Variants in TMEM214 observed in about 807,000 individuals in gnomAD.
TMEM214 encodes transmembrane protein 214.
A neutral mutation model predicts 89.8 loss-of-function variants in TMEM214; 71 were observed. The observed-to-expected ratio is 0.79, with a 90% CI of 0.65 to 0.96. TMEM214 has a LOEUF of 0.96. Among genes scored for constraint, TMEM214 ranks in the 40% least tolerant of loss-of-function variants. The probability of loss-of-function intolerance (pLI) is 0.00; values close to 1 mark genes in which losing one functional copy is unlikely to be tolerated. For missense variants in TMEM214, 754 were observed against 843.4 expected (o/e 0.89, Z 1.31); for synonymous variants, 332 against 349.5 (o/e 0.95, Z 0.56).
At chr2:27,035,841 T>C in intron 4 of TMEM214, 113 bp downstream of exon 4, 1 of 1,585,828 alleles carries the variant, frequency 6.3e-7, no homozygotes, top group Non-Finnish European at 8.6e-7. Flanking sequence ...ACCTTAACAC[T>C]TTTTGGAAAG....
In TMEM214 at chr2:27,039,727, C is replaced by A; in HGVS notation, c.1526-14C>A. On this transcript the variant is annotated splice_polypyrimidine_tract_variant and intron_variant, in intron 13 of 16. Transcript: ENST00000238788. ...CTCTCACCTCCCAGCTCACCAGAGG[C>A]CCCCTTTACTTAGCCTCCCTTACTG... The A allele has an allele frequency of 6.2e-7, 1 of 1,612,292 alleles. No individual in the cohort carries two copies.
intron 3 of TMEM214, 71 bp from the exon 4 acceptor site, chr2:27,035,523 G>T (rs1667517194): frequency 6.3e-7 from 1 of 1,591,318 alleles, no homozygotes; most frequent in African/African-American, 1.3e-5. Flanking sequence ...CATTCCCAGG[G>T]AGAGCACCAC....
chr2:27,035,053 C>T, intron 2 of TMEM214, 82 bp from the exon 3 acceptor site: 1 of 1,546,392 alleles, frequency 6.5e-7, no homozygotes, highest in Non-Finnish European at 8.8e-7. Flanking sequence ...CTAGTTCAAC[C>T]ATTTTCCCAC....
chr2:27,040,600 G>C (rs41288795), intron 16 of TMEM214, 104 bp downstream of exon 16: 11 of 1,581,954 alleles, frequency 7.0e-6, no homozygotes, highest in Non-Finnish European at 9.4e-6. Flanking sequence ...CCTGCCCCTC[G>C]CTCCCATTCC....
Position 27,035,293 on chromosome 2 carries a change from C to T in TMEM214, c.502+8C>T. Reference sequence around the variant, plus strand: ...TGAGCCAGCATACTCATGGTAAGTCCTTCCAGCTTCCTCAAGCTCAGACAA... The same window carrying T: ...TGAGCCAGCATACTCATGGTAAGTCTTTCCAGCTTCCTCAAGCTCAGACAA... On this transcript the variant is annotated splice_region_variant and intron_variant, in intron 3 of 16. Coordinates refer to ENST00000238788, the MANE Select transcript of TMEM214 (RefSeq NM_017727.5). 1.2e-6 allele frequency: 2 copies of T among 1,614,190 alleles called. No individual in the cohort carries two copies. The highest frequency in any genetic ancestry group is 1.3e-5 in the African/African-American group (1 of 75,052).
At chr2:27,035,838 C>G in intron 4 of TMEM214, 110 bp downstream of exon 4, 2 of 1,587,238 alleles carry the variant, frequency 1.3e-6, no homozygotes, top group Non-Finnish European at 1.7e-6. Context: ...CTAACCTTAA[C>G]ACTTTTTGGA....
rs1433816299 is a variant in TMEM214, at chr2:27,038,579, A to G, written c.1293+47A>G. ...GCAGGTTGAGCCCTGTCTGGATTCT[A>G]GGTTCTGAGTGGGGGCTCCTCAGCC... On this transcript the variant is annotated intron_variant, in intron 11 of 16. Transcript: ENST00000238788. This position sits in a 1 kb window ranked among gnomAD's most constrained non-coding sequence, Gnocchi z 4.4. 1 of 1,612,828 alleles carries G rather than the reference A, an allele frequency of 6.2e-7. No individual in the cohort carries two copies. Among genetic ancestry groups the G allele is most frequent in the Non-Finnish European group, 8.5e-7 (1 of 1,179,196 alleles).
In TMEM214 at chr2:27,040,508, G is replaced by A. The variant is rs766977902; in HGVS notation, c.1943+12G>A. The A allele has an allele frequency of 1.9e-6, 3 of 1,612,012 alleles. No individual in the cohort carries two copies. The highest frequency in any genetic ancestry group is 2.2e-5 in the South Asian group (2 of 91,066). The stretch of plus-strand genomic sequence containing the variant: ...CATGAGGCATGCAGGTGAGACCTTT[G>A]CCCAGGGCTCCGGCAGGATCCCCAG... On this transcript the variant is annotated intron_variant, in intron 16 of 16. Coordinates refer to ENST00000238788, the MANE Select transcript of TMEM214 (RefSeq NM_017727.5).
intron 9 of TMEM214, 184 bp from the exon 10 acceptor site, chr2:27,037,962 C>T: frequency 6.5e-7 from 1 of 1,547,870 alleles, no homozygotes; most frequent in Non-Finnish European, 8.7e-7. Flanking sequence ...AGCTCAGGAG[C>T]CCCAGCCTCC....
intron 7 of TMEM214, 145 bp downstream of exon 7, chr2:27,036,931 G>C: frequency 9.2e-7 from 1 of 1,084,466 alleles, no homozygotes; most frequent in Non-Finnish European, 1.4e-6. Flanking sequence ...GTGATGGTGA[G>C]GAAGGAAGAA....
At chr2:27,033,558 T>A (rs951478555) in intron 1 of TMEM214, among the ~76,000 whole-genome samples, 8 of 152,040 alleles carry the variant, frequency 5.3e-5, no homozygotes, top group Non-Finnish European at 1.0e-4. Flanking sequence ...AACCAGCAGG[T>A]CATGGAGGAA....
chr2:27,034,905 G>A (rs1667483559), intron 2 of TMEM214, among the ~76,000 whole-genome samples: 1 of 152,178 alleles, frequency 6.6e-6, no homozygotes, highest in South Asian at 2.1e-4. Flanking sequence ...TCTTGAACAT[G>A]TGGAGGGCCT....
In TMEM214 at chr2:27,037,663, C is replaced by T. The variant is rs774434877; in HGVS notation, c.1113C>T (p.Ser371=). ...TLHTYFPSFL[S]RATPSCPPEM... ...ATACCTACTTCCCTTCTTTCCTGTC[C>T]AGAGCCACCCCTAGCTGTCCCCCTG... Residue 371 remains serine (S), a synonymous_variant, in exon 9 of 17, where the codon TCC becomes TCT. Coordinates refer to ENST00000238788, the MANE Select transcript of TMEM214 (RefSeq NM_017727.5). 26 of 1,614,174 alleles carry T rather than the reference C, an allele frequency of 1.6e-5. No individual in the cohort carries two copies. Among genetic ancestry groups the T allele is most frequent in the Non-Finnish European group, 2.1e-5 (25 of 1,180,030 alleles).
chr2:27,036,892 A>G, intron 7 of TMEM214, 106 bp downstream of exon 7: 2 of 1,267,362 alleles, frequency 1.6e-6, no homozygotes, highest in East Asian at 4.6e-5. Context: ...GAGGAAAATC[A>G]GGACCAGCTT....
In TMEM214 at chr2:27,040,050, C is replaced by T. The variant is rs766747851; in HGVS notation, c.1643C>T (p.Pro548Leu). ...CACAGCTGGCTGGGGGAGACACTGC[C>T]GCTCTGGGGCTCCCACCTGCTCACC... is the stretch of plus-strand genomic sequence containing the variant. ...QGYSWLGETL[P>L]LWGSHLLTVV... is the part of the protein sequence containing the mutation. The change falls in exon 15 of 17, where the codon CCG (proline) becomes CTG (leucine). Residue 548 changes from proline (P) to leucine (L), a missense_variant. Physicochemically the swap from Pro to Leu is moderately conservative, Grantham distance 98. Transcript: ENST00000238788. 22 of 1,606,312 alleles carry T rather than the reference C, an allele frequency of 1.4e-5. No individual in the cohort carries two copies. In the Middle Eastern group the frequency reaches 4.9e-4, roughly 36 times the overall value.
In TMEM214 at chr2:27,040,973, C is replaced by T; in HGVS notation, c.*136C>T. On this transcript the variant is annotated 3_prime_UTR_variant, in exon 17 of 17. Coordinates refer to ENST00000238788, the MANE Select transcript of TMEM214 (RefSeq NM_017727.5). ...CTCCTAGGCAAGTGGCCAGTTGCCT[C>T]CACCTCAGTTCTTCCATCTTTGGTG... 1.9e-6 allele frequency: 2 copies of T among 1,070,786 alleles called. No homozygotes were observed. Among genetic ancestry groups the T allele is most frequent in the Non-Finnish European group, 2.7e-6 (2 of 746,202 alleles). The allele number at this position is 1,070,786 out of a possible 1,614,324, so 66.3% of individuals were successfully genotyped here.
chr2:27,034,601 CTT>C (rs67511175), intron 2 of TMEM214: 2,876 of 160,714 alleles, frequency 0.018, no homozygotes, highest in South Asian at 0.055. Flanking sequence ...CTGTTTTCCT[CTT>C]TTTTTTTTTT....
chr2:27,034,276 C>A lies in TMEM214; in HGVS notation c.351+10C>A. 14 of 1,612,474 alleles carry A rather than the reference C, an allele frequency of 8.7e-6. No individual in the cohort carries two copies. The highest frequency in any genetic ancestry group is 1.2e-5 in the Non-Finnish European group (14 of 1,179,716). On this transcript the variant is annotated intron_variant, in intron 2 of 16. Transcript: ENST00000238788. The stretch of plus-strand genomic sequence containing the variant: ...GGAAGCACTGAAAGCTGTGAGTGTG[C>A]CTAGACATGAGACGCAGAAAGAATG...
At position 27,038,299 on chromosome 2, in the gene TMEM214, T is replaced by G; in HGVS notation, c.1244+62T>G. ...GAAGCAGAAGGGGAGCCTGGGTCAC[T>G]GTCCCATGGCCTGACACCTTTCAGG... On this transcript the variant is annotated intron_variant, in intron 10 of 16. Coordinates refer to ENST00000238788, the MANE Select transcript of TMEM214 (RefSeq NM_017727.5). The surrounding 1 kb of genome is among the most constrained non-coding windows in gnomAD (Gnocchi z 4.4). 1.3e-6 allele frequency: 2 copies of G among 1,588,842 alleles called. No individual in the cohort carries two copies.
Sources: allele counts gnomAD v4.1 joint callset (sites outside exome capture counted in the v4.1 genomes callset), GRCh38; gene constraint gnomAD v4.1.1; non-coding constraint Gnocchi (gnomAD v3.1); transcripts MANE v1.5; gene names NCBI Gene and HGNC (gene_info 2026-07-23, HGNC 2026-07-21).